Variants in ANKRD18B observed in about 807,000 individuals in gnomAD.
The protein encoded by ANKRD18B is ankyrin repeat domain-containing protein 18B.
A neutral mutation model predicts 111.8 loss-of-function variants in ANKRD18B; 75 were observed. That is an observed-to-expected ratio of 0.67 (90% CI 0.56 to 0.81). ANKRD18B has a LOEUF of 0.81. Among genes scored for constraint, ANKRD18B ranks in the 40% least tolerant of loss-of-function variants. ANKRD18B has a pLI of 0.00. For missense variants in ANKRD18B, 1,038 were observed against 1,225.5 expected (o/e 0.85, Z 2.28); for synonymous variants, 356 against 417.3 (o/e 0.85, Z 1.79).
chr9:33,530,702 A>G (rs954076482), intron 3 of ANKRD18B, among the ~76,000 whole-genome samples: 4 of 152,200 alleles, frequency 2.6e-5, no homozygotes, highest in African/African-American at 7.2e-5. Context: ...ATAACATTAA[A>G]CTGACTTATC....
At chr9:33,563,729 C>A (rs1305602535) in intron 14 of ANKRD18B, among the ~76,000 whole-genome samples, 5 of 150,788 alleles carry the variant, frequency 3.3e-5, no homozygotes, top group Admixed American at 6.6e-5. Flanking sequence ...AATGATCAAG[C>A]TAACTAGCAT....
intron 14 of ANKRD18B, among the ~76,000 whole-genome samples, chr9:33,558,954 T>A (rs997016280): frequency 3.3e-5 from 5 of 152,134 alleles, no homozygotes; most frequent in South Asian, 2.1e-4. Context: ...GAGGAAGGCA[T>A]ACATTGGCTC....
chr9:33,552,180 T>C (rs143094767), intron 12 of ANKRD18B, among the ~76,000 whole-genome samples: 6,417 of 152,336 alleles, frequency 0.042, 185 homozygotes, highest in South Asian at 0.068. Context: ...TCTAAGTGTA[T>C]TTTTAGCAAT....
At chr9:33,549,955 C>T (rs1828422425) in intron 11 of ANKRD18B, among the ~76,000 whole-genome samples, 1 of 152,058 alleles carries the variant, frequency 6.6e-6, no homozygotes, top group Non-Finnish European at 1.5e-5. Context: ...ATGAGTTTGA[C>T]ATTGAATCCC....
At chr9:33,559,260 A>G (rs1563907214) in intron 14 of ANKRD18B, among the ~76,000 whole-genome samples, 1 of 152,144 alleles carries the variant, frequency 6.6e-6, no homozygotes, top group Non-Finnish European at 1.5e-5. Flanking sequence ...AAGGGGAGAG[A>G]TTGGGCTACA....
At chr9:33,570,782 C>T (rs1462642609) in intron 17 of ANKRD18B, among the ~76,000 whole-genome samples, 1 of 151,890 alleles carries the variant, frequency 6.6e-6, no homozygotes. Flanking sequence ...GGACTAGAGG[C>T]ATGCACCACC....
At position 33,533,427 on chromosome 9, in the gene ANKRD18B, G is replaced by C; in HGVS notation, c.496-12G>C. 6.6e-7 allele frequency: 1 copy of C among 1,511,008 alleles called. No homozygotes were observed. Among genetic ancestry groups the C allele is most frequent in the South Asian group, 1.3e-5 (1 of 77,536 alleles). 93.6% of individuals were successfully genotyped at this position (1,511,008 alleles called of 1,614,324 possible). A position where few individuals can be genotyped will look rare whatever the true frequency, so the allele number is the denominator to read the frequency against. The stretch of plus-strand genomic sequence containing the variant: ...ATTTTGTGAATTATAAATTGTTTTT[G>C]CTTTCTTACAGGAGGGAAACACTCC... On this transcript the variant is annotated splice_polypyrimidine_tract_variant and intron_variant, in intron 3 of 18. Coordinates refer to ENST00000684830, the MANE Select transcript of ANKRD18B (RefSeq NM_001393611.1).
chr9:33,566,261 T>C lies in ANKRD18B; in HGVS notation c.2503T>C (p.Cys835Arg). Residue 835 changes from cysteine to arginine, a missense_variant, in exon 15 of 19, where the codon TGT (cysteine) becomes CGT (arginine). Cys to Arg is a radical substitution (Grantham distance 180, BLOSUM62 -3). Transcript: ENST00000684830. Reference sequence around the variant, plus strand: ...CGAGAAGGAAGCTGTATCTTCAAAATGTGTCAATTTGGCCAAAGACAATGA... The same window carrying C: ...CGAGAAGGAAGCTGTATCTTCAAAACGTGTCAATTTGGCCAAAGACAATGA... ...MAEKEAVSSK[C>R]VNLAKDNEVL... 5 of 1,559,846 alleles carry C rather than the reference T, an allele frequency of 3.2e-6. No homozygotes were observed. Among genetic ancestry groups the C allele is most frequent in the Non-Finnish European group, 4.3e-6 (5 of 1,150,002 alleles).
At chr9:33,562,207 G>A (rs993481659) in intron 14 of ANKRD18B, among the ~76,000 whole-genome samples, 14 of 151,808 alleles carry the variant, frequency 9.2e-5, no homozygotes, top group Admixed American at 7.2e-4. Flanking sequence ...AGTGCCTTAT[G>A]TTTTACTAAC....
chr9:33,565,442 T>A (rs1828670829), intron 14 of ANKRD18B, among the ~76,000 whole-genome samples: 1 of 152,210 alleles, frequency 6.6e-6, no homozygotes, highest in Non-Finnish European at 1.5e-5. Flanking sequence ...GCTTATGGCA[T>A]CAGAATCCTT....
At chr9:33,546,629 T>A (rs1828360141) in intron 10 of ANKRD18B, among the ~76,000 whole-genome samples, 1 of 152,182 alleles carries the variant, frequency 6.6e-6, no homozygotes, top group African/African-American at 2.4e-5. Context: ...TTAAATTGTT[T>A]TGCCAAAGTC....
chr9:33,559,990 A>G (rs1828582436), intron 14 of ANKRD18B, among the ~76,000 whole-genome samples: 2 of 152,194 alleles, frequency 1.3e-5, no homozygotes, highest in Admixed American at 6.5e-5. Flanking sequence ...CTAGGGAACC[A>G]CCCACCTTCT....
At chr9:33,559,948 A>G (rs1587273895) in intron 14 of ANKRD18B, among the ~76,000 whole-genome samples, 1 of 152,204 alleles carries the variant, frequency 6.6e-6, no homozygotes, top group African/African-American at 2.4e-5. Flanking sequence ...TCATTTAGCT[A>G]TCTTCACTAG....
chr9:33,570,643 C>CTTT (rs74178890), intron 17 of ANKRD18B, among the ~76,000 whole-genome samples: 2 of 142,118 alleles, frequency 1.4e-5, no homozygotes, highest in African/African-American at 2.6e-5. Context: ...ACCTTTTTTT[C>CTTT]TTTTTTTTTT....
At chr9:33,565,736 G>T (rs1003541192) in intron 14 of ANKRD18B, among the ~76,000 whole-genome samples, 7 of 152,052 alleles carry the variant, frequency 4.6e-5, no homozygotes, top group African/African-American at 1.7e-4. Context: ...GCCTCCTAAA[G>T]TGCTGGGATT....
rs1287800649 is a variant in ANKRD18B, at chr9:33,533,007, A to G, written c.496-432A>G. Among the ~76,000 whole-genome samples the G allele has an allele frequency of 1.1e-4, 16 of 152,332 alleles. No homozygotes were observed. In the East Asian group the frequency reaches 3.1e-3, roughly 29 times the overall value. Reference sequence around the variant, plus strand: ...CTCTTTGAAATATAGTTTAAGAAACACTTCTCTAGAGGTAATAATTTAGAT... The same window carrying G: ...CTCTTTGAAATATAGTTTAAGAAACGCTTCTCTAGAGGTAATAATTTAGAT... On this transcript the variant is annotated intron_variant, in intron 3 of 18. Transcript: ENST00000684830.
intron 12 of ANKRD18B, among the ~76,000 whole-genome samples, chr9:33,551,491 A>G (rs1274503693): frequency 6.6e-6 from 1 of 152,216 alleles, no homozygotes; most frequent in Non-Finnish European, 1.5e-5. Context: ...ATTTAAATAC[A>G]TAGAGTCATA....
At chr9:33,572,108 T>G (rs748214543) in intron 18 of ANKRD18B, 1 of 562,478 alleles carries the variant, frequency 1.8e-6, no homozygotes, top group Non-Finnish European at 3.2e-6. Flanking sequence ...AGTGCATGAA[T>G]GAAGAATGAA....
intron 3 of ANKRD18B, among the ~76,000 whole-genome samples, chr9:33,532,120 G>C (rs1164724285): frequency 6.6e-6 from 1 of 152,122 alleles, no homozygotes; most frequent in Admixed American, 6.5e-5. Context: ...TGTAGTTCCA[G>C]CTATTTGGGA....
Sources: allele counts gnomAD v4.1 joint callset (sites outside exome capture counted in the v4.1 genomes callset), GRCh38; gene constraint gnomAD v4.1.1; transcripts MANE v1.5; gene names NCBI Gene and HGNC (gene_info 2026-07-23, HGNC 2026-07-21).